The following RAPGEF6 variants were observed in gnomAD, a reference collection of about 807,000 sequenced individuals.
RAPGEF6 encodes the protein PDZ domain containing guanine nucleotide exchange factor (GEF) 2.
A neutral mutation model predicts 171.4 loss-of-function variants in RAPGEF6; 56 were observed. That is an observed-to-expected ratio of 0.33 (90% CI 0.26 to 0.41). The LOEUF (loss-of-function observed/expected upper bound fraction) is 0.41, where lower values mean the gene tolerates loss of function less well. Among genes scored for constraint, RAPGEF6 ranks in the 10% least tolerant of loss-of-function variants. RAPGEF6 has a pLI of 1.00. For missense variants in RAPGEF6, 1,674 were observed against 1,921.4 expected (o/e 0.87, Z 2.41); for synonymous variants, 692 against 650.1 (o/e 1.06, Z -0.98).
intron 15 of RAPGEF6, among the ~76,000 whole-genome samples, chr5:131,488,897 A>G (rs1007257301): frequency 1.3e-5 from 2 of 152,210 alleles, no homozygotes; most frequent in Non-Finnish European, 1.5e-5. Context: ...TAAAGTGTCT[A>G]AGGCAATCAA....
rs1470999365 is a variant in RAPGEF6 at position 131,442,436 on chromosome 5, G to A, written c.3523C>T (p.Pro1175Ser). ...TGAAGCACCTGGCTTACTCTGTGGG[G>A]TTGATGCAAGTGGGCTTTAGTTGTT... Reference protein sequence around the residue: ...GQTTKAHLHQPHRVSQVLQVP... With the variant: ...GQTTKAHLHQSHRVSQVLQVP... Residue 1175 changes from proline to serine, a missense_variant, in exon 23 of 28, where the codon CCC becomes TCC. Physicochemically the swap from Pro to Ser is moderately conservative, Grantham distance 74 (BLOSUM62 -1). Coordinates refer to ENST00000509018, the MANE Select transcript of RAPGEF6 (RefSeq NM_016340.6). 1 of 1,614,202 alleles carries A rather than the reference G, an allele frequency of 6.2e-7. No individual in the cohort carries two copies. The highest frequency in any genetic ancestry group is 1.7e-5 in the Admixed American group (1 of 60,026).
intron 4 of RAPGEF6, among the ~76,000 whole-genome samples, chr5:131,573,443 A>G (rs1204635982): frequency 6.6e-6 from 1 of 152,070 alleles, no homozygotes; most frequent in Non-Finnish European, 1.5e-5. Context: ...ACTCAGTCCT[A>G]CAATCTAACC....
chr5:131,463,633 G>T, intron 18 of RAPGEF6: 2 of 683,124 alleles, frequency 2.9e-6, no homozygotes, highest in Non-Finnish European at 3.6e-6. Flanking sequence ...AAATAATCTA[G>T]TTTATTAAAT....
chr5:131,614,641 G>A lies in RAPGEF6; in HGVS notation c.70-9948C>T, dbSNP rs187432081. ...CCATCACTGGGGATTACAATTCAACGTGAGATTTGGGTGGGGACACAGAGC... is the reference window on the plus strand; with the variant it reads ...CCATCACTGGGGATTACAATTCAACATGAGATTTGGGTGGGGACACAGAGC... On this transcript the variant is annotated intron_variant, in intron 1 of 27. Coordinates refer to ENST00000509018, the MANE Select transcript of RAPGEF6 (RefSeq NM_016340.6). 1.1e-4 allele frequency among the ~76,000 whole-genome samples: 17 copies of A among 152,284 alleles called. No homozygotes were observed. The East Asian group carries it at 2.7e-3, about 24-fold the overall frequency.
At chr5:131,476,546 A>C (rs1253495712) in intron 16 of RAPGEF6, among the ~76,000 whole-genome samples, 2 of 152,060 alleles carry the variant, frequency 1.3e-5, no homozygotes, top group African/African-American at 4.8e-5. Context: ...CACAACCTCC[A>C]TCTCCCTGGG....
At chr5:131,627,627 T>C (rs920073011) in intron 1 of RAPGEF6, among the ~76,000 whole-genome samples, 1 of 152,236 alleles carries the variant, frequency 6.6e-6, no homozygotes, top group African/African-American at 2.4e-5. Context: ...GGTCTAATTA[T>C]GACTGTGGCT....
At chr5:131,480,578 A>G (rs907601765) in intron 15 of RAPGEF6, among the ~76,000 whole-genome samples, 1 of 152,104 alleles carries the variant, frequency 6.6e-6, no homozygotes, top group African/African-American at 2.4e-5. Flanking sequence ...TCCCGGGTTC[A>G]AGCGATTCTC....
intron 5 of RAPGEF6, among the ~76,000 whole-genome samples, chr5:131,557,291 TCTC>T (rs1466293182): frequency 1.3e-5 from 2 of 152,226 alleles, no homozygotes; most frequent in African/African-American, 4.8e-5. Flanking sequence ...TGTGTAAAGG[TCTC>T]CTACAACTTT....
intron 4 of RAPGEF6, among the ~76,000 whole-genome samples, chr5:131,567,126 T>G (rs1038604693): frequency 1.3e-5 from 2 of 152,066 alleles, no homozygotes; most frequent in Non-Finnish European, 2.9e-5. Context: ...TTGTAATATT[T>G]AAAATTTCTT....
chr5:131,596,578 T>C (rs571444591), intron 3 of RAPGEF6, among the ~76,000 whole-genome samples: 2 of 152,182 alleles, frequency 1.3e-5, no homozygotes, highest in Admixed American at 6.5e-5. Flanking sequence ...CAAAAAAGCA[T>C]GGTACTGACA....
At position 131,479,541 on chromosome 5, in the gene RAPGEF6, A is replaced by G. The variant is rs370697061; in HGVS notation, c.2053T>C (p.Phe685Leu). 4 of 1,613,806 alleles carry G rather than the reference A, an allele frequency of 2.5e-6. No individual in the cohort carries two copies. The African/African-American group carries it at 5.3e-5, about 22-fold the overall frequency. The change falls in exon 16 of 28, where the codon TTT (phenylalanine) becomes CTT (leucine). Residue 685 changes from phenylalanine (F) to leucine (L), a missense_variant. Phe to Leu is a conservative substitution (Grantham distance 22). Transcript: ENST00000509018. ...AATAGCTTTGGAGGCAAGATACTAA[A>G]TCGTGTTTTATCCAAAATCTTCCTG... ...KIRKILDKTRFSILPPKLFSD... is the reference protein window; with the variant it reads ...KIRKILDKTRLSILPPKLFSD...
At chr5:131,561,863 T>C (rs1357181530) in intron 5 of RAPGEF6, 115 bp downstream of exon 5, 1 of 770,130 alleles carries the variant, frequency 1.3e-6, no homozygotes, top group Non-Finnish European at 2.2e-6. Flanking sequence ...TGCTACTTGA[T>C]GAAATCTCTA....
At chr5:131,506,954 C>G (rs946247355) in intron 9 of RAPGEF6, among the ~76,000 whole-genome samples, 3 of 151,456 alleles carry the variant, frequency 2.0e-5, no homozygotes, top group Admixed American at 2.0e-4. Flanking sequence ...GGGAGTCCAT[C>G]CTCTATGACA....
intron 7 of RAPGEF6, among the ~76,000 whole-genome samples, chr5:131,513,715 T>C (rs1047700987): frequency 9.9e-5 from 15 of 152,194 alleles, no homozygotes; most frequent in African/African-American, 3.1e-4. Flanking sequence ...CCCTTACAAT[T>C]TGTCTTTCTA....
At chr5:131,502,351 G>T (rs1162333296) in intron 11 of RAPGEF6, among the ~76,000 whole-genome samples, 1 of 152,216 alleles carries the variant, frequency 6.6e-6, no homozygotes, top group Non-Finnish European at 1.5e-5. Flanking sequence ...TCTGAGGATA[G>T]TATTTTGATA....
chr5:131,451,277 C>T (rs1480528804), intron 21 of RAPGEF6, among the ~76,000 whole-genome samples: 1 of 152,088 alleles, frequency 6.6e-6, no homozygotes, highest in Non-Finnish European at 1.5e-5. Flanking sequence ...ATCAGATCAA[C>T]TACTTGCAAA....
At chr5:131,473,843 C>G (rs1474328066) in intron 16 of RAPGEF6, among the ~76,000 whole-genome samples, 1 of 152,074 alleles carries the variant, frequency 6.6e-6, no homozygotes, top group African/African-American at 2.4e-5. Flanking sequence ...GTTAAATAAA[C>G]TGCTAAAGGA....
chr5:131,485,513 A>G (rs1484261889), intron 15 of RAPGEF6, among the ~76,000 whole-genome samples: 1 of 152,138 alleles, frequency 6.6e-6, no homozygotes, highest in Admixed American at 6.5e-5. Context: ...CCCTTTTCTC[A>G]TTCCTCAAGC....
intron 1 of RAPGEF6, among the ~76,000 whole-genome samples, chr5:131,631,133 CT>C (rs1297752364): frequency 6.6e-6 from 1 of 152,202 alleles, no homozygotes; most frequent in Non-Finnish European, 1.5e-5. Flanking sequence ...ACACTCACTA[CT>C]TGGTAATTTT....
Sources: allele counts gnomAD v4.1 joint callset (sites outside exome capture counted in the v4.1 genomes callset), GRCh38; gene constraint gnomAD v4.1.1; transcripts MANE v1.5; gene names NCBI Gene and HGNC (gene_info 2026-07-23, HGNC 2026-07-21).